TOB2: variants seen among roughly 807,000 people sequenced by gnomAD.
The protein encoded by TOB2 is protein Tob2.
In TOB2, 3 loss-of-function variants were observed where a neutral mutation model predicts 17.3. That is an observed-to-expected ratio of 0.17 (90% confidence interval 0.08 to 0.45). The LOEUF (loss-of-function observed/expected upper bound fraction) is 0.45, where lower values mean the gene tolerates loss of function less well. Ranked by LOEUF, TOB2 falls within the 20% of genes least tolerant of loss-of-function variation. TOB2 has a pLI of 0.99. For missense variants in TOB2, 407 were observed against 445.7 expected, an observed-to-expected ratio of 0.91 and a Z score of 0.78; for synonymous variants, 163 against 185.6, an observed-to-expected ratio of 0.88 and a Z score of 0.99.
At position 41,433,798 on chromosome 22, in the gene TOB2, T is replaced by G; in HGVS notation, c.*2513A>C. 2.1e-6 allele frequency: 1 copy of G among 479,918 alleles called. No homozygotes were observed. Among genetic ancestry groups the G allele is most frequent in the South Asian group, 1.6e-5 (1 of 64,080 alleles). The allele number at this position is 479,918 out of a possible 1,614,324, so 29.7% of individuals were successfully genotyped here. On this transcript the variant is annotated 3_prime_UTR_variant, in exon 2 of 2. Transcript: ENST00000327492. ...CACTGCATTGAGAAAAACACATCAT[T>G]CTGGACTAACAGTTTCCATTCTTCA... is the stretch of plus-strand genomic sequence containing the variant.
At chr22:41,444,498 C>G (rs2037658659) in intron 1 of TOB2, among the ~76,000 whole-genome samples, 1 of 152,244 alleles carries the variant, frequency 6.6e-6, no homozygotes, top group Non-Finnish European at 1.5e-5. Context: ...CACCTCCGGA[C>G]CAGGCGATAG....
chr22:41,438,458 G>C (rs2037577900), intron 1 of TOB2, among the ~76,000 whole-genome samples: 1 of 151,384 alleles, frequency 6.6e-6, no homozygotes. Context: ...GAGAAACCCT[G>C]TCTCTACTAA....
rs530887700 is a variant in TOB2 at position 41,437,404 on chromosome 22, G to A, written c.-59C>T. 1.2e-4 allele frequency: 189 copies of A among 1,533,318 alleles called. No homozygotes were observed. Among genetic ancestry groups the A allele is most frequent in the Non-Finnish European group, 1.6e-4 (187 of 1,144,148 alleles). The allele number at this position is 1,533,318 out of a possible 1,614,324, so 95.0% of individuals were successfully genotyped here. On this transcript the variant is annotated 5_prime_UTR_variant, in exon 2 of 2. Coordinates refer to ENST00000327492, the MANE Select transcript of TOB2 (RefSeq NM_016272.4). ...ACGTGTACAGCCTTGGGCTCCAGGC[G>A]GCTCTGGGAAATGAGAGGCACCGTG...
At chr22:41,444,445 C>A (rs1291792228) in intron 1 of TOB2, among the ~76,000 whole-genome samples, 1 of 152,252 alleles carries the variant, frequency 6.6e-6, no homozygotes, top group Non-Finnish European at 1.5e-5. Context: ...GAGAGGCGGG[C>A]GGTGAGGGCC....
At chr22:41,440,328 A>C (rs374808368) in intron 1 of TOB2, among the ~76,000 whole-genome samples, 1 of 150,394 alleles carries the variant, frequency 6.6e-6, no homozygotes, top group African/African-American at 2.5e-5. Flanking sequence ...CATGTTGGCC[A>C]GGATGGTCTC....
At chr22:41,444,159 C>T (rs549312074) in intron 1 of TOB2, among the ~76,000 whole-genome samples, 11 of 152,274 alleles carry the variant, frequency 7.2e-5, no homozygotes, top group Non-Finnish European at 4.4e-5. Flanking sequence ...GAGAGCCAAA[C>T]GCAGGCAGCT....
Position 41,433,734 on chromosome 22 carries a change from C to G in TOB2, c.*2577G>C, listed in dbSNP as rs1973992609. 2.0e-6 allele frequency: 1 copy of G among 501,784 alleles called. No homozygotes were observed. Among genetic ancestry groups the G allele is most frequent in the African/African-American group, 2.0e-5 (1 of 50,026 alleles). The allele number at this position is 501,784 out of a possible 1,614,324, so 31.1% of individuals were successfully genotyped here. On this transcript the variant is annotated 3_prime_UTR_variant, in exon 2 of 2. Coordinates refer to ENST00000327492, the MANE Select transcript of TOB2 (RefSeq NM_016272.4). ...CTCTCCAGGCTTGCCTCAATGCCCC[C>G]TTCCCATCCCTAGGGAGAAAACTAG...
chr22:41,439,552 A>G (rs935147171), intron 1 of TOB2, among the ~76,000 whole-genome samples: 2 of 151,928 alleles, frequency 1.3e-5, no homozygotes, highest in Non-Finnish European at 1.5e-5. Context: ...GTCTCGTTCT[A>G]TCGCCCAGGC....
chr22:41,437,265 C>G lies in TOB2; in HGVS notation c.81G>C (p.Leu27=). Residue 27 remains leucine, a synonymous_variant, in exon 2 of 2, where the codon CTG becomes CTC. Coordinates refer to ENST00000327492, the MANE Select transcript of TOB2 (RefSeq NM_016272.4). ...AAAGCCGCTCTAGCTCCTCCCCAAACAGGTCTGCCCGGCGCCGGGGCAGCT... is the reference window on the plus strand; with the variant it reads ...AAAGCCGCTCTAGCTCCTCCCCAAAGAGGTCTGCCCGGCGCCGGGGCAGCT... ...YNKLPRRRAD[L]FGEELERLLK... is the part of the protein sequence containing the mutation. 1 of 1,614,152 alleles carries G rather than the reference C, an allele frequency of 6.2e-7. No homozygotes were observed. The highest frequency in any genetic ancestry group is 1.1e-5 in the South Asian group (1 of 91,086).
Position 41,434,331 on chromosome 22 carries a change from G to A in TOB2, c.*1980C>T. 1 of 153,156 alleles carries A rather than the reference G, an allele frequency of 6.5e-6. No homozygotes were observed. Among genetic ancestry groups the A allele is most frequent in the East Asian group, 1.9e-4 (1 of 5,226 alleles). The allele number at this position is 153,156 out of a possible 1,614,324, so 9.5% of individuals were successfully genotyped here. On this transcript the variant is annotated 3_prime_UTR_variant, in exon 2 of 2. Transcript: ENST00000327492. ...TGTGAGAAACAAGCCGACCTGGTGT[G>A]GGTGGGTGCCTGTGTGTGTGGATGG...
At chr22:41,445,065 A>C (rs1055546698) in intron 1 of TOB2, among the ~76,000 whole-genome samples, 1 of 152,380 alleles carries the variant, frequency 6.6e-6, no homozygotes, top group East Asian at 1.9e-4. Flanking sequence ...TCTCGGCCAA[A>C]GAAATTTCCA....
At chr22:41,445,351 C>A (rs1182864420) in intron 1 of TOB2, among the ~76,000 whole-genome samples, 1 of 152,252 alleles carries the variant, frequency 6.6e-6, no homozygotes, top group African/African-American at 2.4e-5. Flanking sequence ...TCCTCCCACA[C>A]AAGCTTCTTT....
At chr22:41,440,114 CTTTCTTTTTTTTTTT>C (rs1244226447) in intron 1 of TOB2, among the ~76,000 whole-genome samples, 10 of 55,206 alleles carry the variant, frequency 1.8e-4, no homozygotes, top group Middle Eastern at 7.1e-3. Context: ...TTTTCTTTTT[CTTTCTTTTTTTTTTT>C]TTTTTTGAGA....
chr22:41,440,140 C>T (rs542509895), intron 1 of TOB2, among the ~76,000 whole-genome samples: 4 of 147,630 alleles, frequency 2.7e-5, no homozygotes, highest in Admixed American at 1.4e-4. Flanking sequence ...TTTTTTGAGA[C>T]GGAGTCTTGC....
At chr22:41,444,670 C>G (rs954261284) in intron 1 of TOB2, among the ~76,000 whole-genome samples, 3 of 152,236 alleles carry the variant, frequency 2.0e-5, no homozygotes, top group Non-Finnish European at 2.9e-5. Context: ...CGGCGCCCCC[C>G]TCCCATCGCC....
In TOB2 at chr22:41,433,743, C is replaced by G. The variant is rs1261082876; in HGVS notation, c.*2568G>C. On this transcript the variant is annotated 3_prime_UTR_variant, in exon 2 of 2. Coordinates refer to ENST00000327492, the MANE Select transcript of TOB2 (RefSeq NM_016272.4). ...CTTGCCTCAATGCCCCCTTCCCATC[C>G]CTAGGGAGAAAACTAGAGAATCTAT... 1 of 503,766 alleles carries G rather than the reference C, an allele frequency of 2.0e-6. No individual in the cohort carries two copies. Among genetic ancestry groups the G allele is most frequent in the African/African-American group, 2.0e-5 (1 of 49,966 alleles). 31.2% of individuals were successfully genotyped at this position (503,766 alleles called of 1,614,324 possible).
chr22:41,442,449 G>T (rs529422650), intron 1 of TOB2, among the ~76,000 whole-genome samples: 1 of 152,322 alleles, frequency 6.6e-6, no homozygotes, highest in South Asian at 2.1e-4. Context: ...TAGAACCACT[G>T]TCATCAGCCC....
chr22:41,438,788 G>A (rs1049593077), intron 1 of TOB2, among the ~76,000 whole-genome samples: 1 of 151,954 alleles, frequency 6.6e-6, no homozygotes, highest in Non-Finnish European at 1.5e-5. Flanking sequence ...AAAGGAGGGG[G>A]AATCTCTGTA....
At chr22:41,445,560 G>C (rs202655) in intron 1 of TOB2, among the ~76,000 whole-genome samples, 113,705 of 152,038 alleles carry the variant, frequency 0.75, 43,130 homozygotes, top group East Asian at 0.95. Flanking sequence ...GCGGGGTTCT[G>C]GTTTCTCCTG....
Sources: gnomAD v4.1 joint callset for allele counts (sites outside exome capture counted in the v4.1 genomes callset) on GRCh38, gnomAD v4.1.1 for gene constraint, MANE v1.5 for transcripts, NCBI Gene and HGNC (gene_info 2026-07-23, HGNC 2026-07-21) for gene names.